Variants in DZANK1 observed in about 807,000 individuals in gnomAD.
The protein encoded by DZANK1 is double zinc ribbon and ankyrin repeat domains 1.
DZANK1 carries 91 observed loss-of-function variants against 94.5 expected under a neutral mutation model. The ratio of observed to expected loss-of-function variants is 0.96; its 90% confidence interval spans 0.81 to 1.15. The LOEUF is 1.15. DZANK1 is among the 50% of genes most tolerant of loss of function. The probability of loss-of-function intolerance (pLI) is 0.00; values close to 1 mark genes in which losing one functional copy is unlikely to be tolerated. For synonymous variants in DZANK1, 312 were observed against 325.3 expected (o/e 0.96, Z 0.44); for missense variants, 903 against 916.4 (o/e 0.99, Z 0.19).
Position 18,384,515 on chromosome 20 carries a change from C to CG in DZANK1, c.2142dup (p.Asp715ArgfsTer9). 1 of 1,611,108 alleles carries CG rather than the reference C, an allele frequency of 6.2e-7. No individual in the cohort carries two copies. Among genetic ancestry groups the CG allele is most frequent in the Non-Finnish European group, 8.5e-7 (1 of 1,178,836 alleles). On this transcript the variant is annotated frameshift_variant, in exon 21 of 21. Coordinates refer to ENST00000262547, the Ensembl canonical transcript of DZANK1. LOFTEE classifies it high-confidence loss of function. ...TCATCTCCAGTGTTCAGAGCCAGGT[C>CG]GTATGCTGTCTGGCCTCCTGCATTC...
chr20:18,457,488 G>GAACA (rs201272463), intron 3 of DZANK1, among the ~76,000 whole-genome samples: 84 of 152,100 alleles, frequency 5.5e-4, no homozygotes, highest in African/African-American at 1.7e-3. Context: ...AAAAACAAAT[G>GAACA]AACAAACAAA....
intron 10 of DZANK1, among the ~76,000 whole-genome samples, chr20:18,424,298 C>T (rs888194646): frequency 1.3e-5 from 2 of 151,454 alleles, no homozygotes; most frequent in Non-Finnish European, 2.9e-5. Flanking sequence ...AAAAATACAA[C>T]AAAAAAATTA....
intron 4 of DZANK1, among the ~76,000 whole-genome samples, chr20:18,454,853 G>A (rs2059227025): frequency 6.6e-6 from 1 of 152,230 alleles, no homozygotes; most frequent in Non-Finnish European, 1.5e-5. Flanking sequence ...TGGGTGCCAG[G>A]ATAGCAGTGA....
chr20:18,394,523 C>T, intron 15 of DZANK1, 173 bp from the exon 16 acceptor site: 1 of 728,638 alleles, frequency 1.4e-6, no homozygotes. Flanking sequence ...CCCCAGCATG[C>T]TTTGTCCGTT....
At chr20:18,405,842 G>A (rs1005987603) in intron 13 of DZANK1, among the ~76,000 whole-genome samples, 19 of 152,232 alleles carry the variant, frequency 1.2e-4, no homozygotes, top group African/African-American at 4.3e-4. Context: ...CCATCCCCCA[G>A]CAGCAGCTAT....
At chr20:18,445,323 A>G (rs1325252111) in intron 7 of DZANK1, among the ~76,000 whole-genome samples, 1 of 152,234 alleles carries the variant, frequency 6.6e-6, no homozygotes, top group Non-Finnish European at 1.5e-5. Context: ...ATAGCAGAGT[A>G]TCAAAGTACA....
chr20:18,396,431 CG>C, intron 15 of DZANK1, 40 bp downstream of exon 15: 2 of 1,463,108 alleles, frequency 1.4e-6, no homozygotes, highest in Non-Finnish European at 1.9e-6. Flanking sequence ...ATTTACTAAT[CG>C]GTCAGTTCTC....
exon 10 of DZANK1, chr20:18,427,134 C>A (rs770701551): frequency 6.2e-7 from 1 of 1,612,874 alleles, no homozygotes; most frequent in Admixed American, 1.7e-5. Flanking sequence ...ATTTCCTGTA[C>A]CACAGGCCCG....
At chr20:18,462,450 C>A (rs1212284652) in intron 2 of DZANK1, among the ~76,000 whole-genome samples, 11 of 152,110 alleles carry the variant, frequency 7.2e-5, no homozygotes. Context: ...TACAAAATGT[C>A]TTTTCATTAT....
In DZANK1 at chr20:18,425,262, G is replaced by A. The variant is rs1452962259; in HGVS notation, c.954+1805C>T. On this transcript the variant is annotated intron_variant, in intron 10 of 20. Coordinates refer to ENST00000262547, the Ensembl canonical transcript of DZANK1. The stretch of plus-strand genomic sequence containing the variant: ...GTCCGTGATTAGACGACATTAAAAG[G>A]TATCTTGTCAGAGGGCGCAGTGGCT... Among the ~76,000 whole-genome samples, 9 of 152,240 alleles carry A rather than the reference G, an allele frequency of 5.9e-5. No individual in the cohort carries two copies. The East Asian group carries it at 1.5e-3, about 26-fold the overall frequency.
At chr20:18,452,660 A>G in exon 6 of DZANK1, 1 of 1,605,962 alleles carries the variant, frequency 6.2e-7, no homozygotes, top group Non-Finnish European at 8.5e-7. Context: ...CTCCACCATA[A>G]GCTGGGATTT....
At chr20:18,396,648 C>G (rs1185335095) in intron 14 of DZANK1, 102 bp from the exon 15 acceptor site, 2 of 738,058 alleles carry the variant, frequency 2.7e-6, no homozygotes, top group Non-Finnish European at 4.4e-6. Flanking sequence ...TAAATTTAAC[C>G]AAATATTTAA....
At chr20:18,445,575 A>G (rs1033235119) in intron 7 of DZANK1, among the ~76,000 whole-genome samples, 10 of 152,180 alleles carry the variant, frequency 6.6e-5, no homozygotes, top group African/African-American at 2.4e-4. Flanking sequence ...ATCAAATCAT[A>G]TATCTTTTCT....
chr20:18,454,666 T>G (rs963915295), intron 4 of DZANK1: 2 of 154,856 alleles, frequency 1.3e-5, no homozygotes, highest in Non-Finnish European at 2.9e-5. Context: ...CTATGCCCAC[T>G]GAGGACTTCT....
At chr20:18,389,563 T>G (rs2055836101) in intron 19 of DZANK1, 138 bp downstream of exon 19, 2 of 1,279,852 alleles carry the variant, frequency 1.6e-6, no homozygotes, top group East Asian at 2.5e-5. Flanking sequence ...AAGCCTCTTA[T>G]TAAAGCTGAA....
rs1175744808 is a variant in DZANK1, at chr20:18,415,445, A to G, written c.959T>C (p.Met320Thr). ...AGGAGGGGCTTTATCCCCACTGCAC[A>G]TCGACTGGTGAATGAAATGGCATTT... Residue 320 changes from methionine (M) to threonine (T), a missense_variant, in exon 11 of 21, where the codon ATG (methionine) becomes ACG (threonine). By Grantham distance (81) the Met-to-Thr change is moderately conservative (BLOSUM62 -1). Transcript: ENST00000262547. 2.6e-6 allele frequency: 4 copies of G among 1,513,908 alleles called. No homozygotes were observed. The highest frequency in any genetic ancestry group is 2.5e-5 in the East Asian group (1 of 39,872). 93.8% of individuals were successfully genotyped at this position (1,513,908 alleles called of 1,614,324 possible). A position where few individuals can be genotyped will look rare whatever the true frequency, so the allele number is the denominator to read the frequency against.
In DZANK1 at chr20:18,457,763, G is replaced by T. The variant is rs377141441; in HGVS notation, c.263+2390C>A. Among the ~76,000 whole-genome samples the T allele has an allele frequency of 2.6e-5, 4 of 152,240 alleles. No individual in the cohort carries two copies. In the South Asian group the frequency reaches 8.3e-4, roughly 32 times the overall value. On this transcript the variant is annotated intron_variant, in intron 3 of 20. Coordinates refer to ENST00000262547, the Ensembl canonical transcript of DZANK1. ...ACATCACTTCTACATGTATCCACTG[G>T]CCACAGCCTGGTACACATCTCTAAC...
At chr20:18,443,323 GTTT>G (rs1568990081) in intron 8 of DZANK1, 21 bp downstream of exon 8, 4 of 1,436,656 alleles carry the variant, frequency 2.8e-6, no homozygotes, top group Non-Finnish European at 2.9e-6. Context: ...AATGAAAGAT[GTTT>G]TTAAGAATTC....
chr20:18,451,549 T>C (rs764815089), intron 6 of DZANK1, among the ~76,000 whole-genome samples: 2 of 152,178 alleles, frequency 1.3e-5, no homozygotes, highest in Admixed American at 6.5e-5. Context: ...ACCATCAACA[T>C]ATTGAATATT....
Sources: allele counts gnomAD v4.1 joint callset (sites outside exome capture counted in the v4.1 genomes callset), GRCh38; gene constraint gnomAD v4.1.1; transcripts MANE v1.5; gene names NCBI Gene and HGNC (gene_info 2026-07-23, HGNC 2026-07-21).